PCDHGB2: variants seen among roughly 807,000 people sequenced by gnomAD.
PCDHGB2 encodes the protein protocadherin gamma-B2.
Under a neutral mutation model 59.3 loss-of-function variants are expected in PCDHGB2, and 55 were observed. The observed-to-expected ratio is 0.93, with a 90% confidence interval of 0.75 to 1.16. The LOEUF (loss-of-function observed/expected upper bound fraction) is 1.16. PCDHGB2 is among the 50% of genes most tolerant of loss of function. The probability of loss-of-function intolerance (pLI) is 0.00; values close to 1 mark genes in which losing one functional copy is unlikely to be tolerated. For missense variants in PCDHGB2, 1,228 were observed against 1,198.5 expected (o/e 1.02, Z -0.36); for synonymous variants, 516 against 512.0 (o/e 1.01, Z -0.11).
intron 2 of PCDHGB2, among the ~76,000 whole-genome samples, chr5:141,504,078 CCAAA>C (rs1272625151): frequency 6.6e-6 from 1 of 152,078 alleles, no homozygotes; most frequent in South Asian, 2.1e-4. Context: ...CCAGATGGTG[CCAAA>C]CAGTTACCTA....
rs749822569 is a variant in PCDHGB2, at chr5:141,371,950, C to G, written c.2421+9394C>G. On this transcript the variant is annotated intron_variant, in intron 1 of 3. Coordinates refer to ENST00000522605, the MANE Select transcript of PCDHGB2 (RefSeq NM_018923.3). Reference sequence around the variant, plus strand: ...AGCGGGGTGGTGTTCGCGCAGCGAGCCTTCGACCACGAGCAGCTGCGTGCC... The same window carrying G: ...AGCGGGGTGGTGTTCGCGCAGCGAGGCTTCGACCACGAGCAGCTGCGTGCC... 3.1e-6 allele frequency: 5 copies of G among 1,613,168 alleles called. No homozygotes were observed. The highest frequency in any genetic ancestry group is 4.2e-6 in the Non-Finnish European group (5 of 1,179,884).
At chr5:141,383,621 T>A in intron 1 of PCDHGB2, 1 of 1,613,880 alleles carries the variant, frequency 6.2e-7, no homozygotes, top group East Asian at 2.2e-5. Flanking sequence ...CACACGCCTG[T>A]CTTCTCTCTG....
chr5:141,484,002 A>T, intron 1 of PCDHGB2, among the ~76,000 whole-genome samples: 1 of 25,484 alleles, frequency 3.9e-5, no homozygotes, highest in African/African-American at 1.7e-4. Context: ...GGAGGTCTGG[A>T]TGAGGGTGGG....
intron 1 of PCDHGB2, chr5:141,375,945 T>C (rs770100512): frequency 1.2e-6 from 2 of 1,613,448 alleles, no homozygotes; most frequent in Non-Finnish European, 8.5e-7. Context: ...TCAGTGGGCC[T>C]GCACACGGGC....
chr5:141,371,161 C>T, intron 1 of PCDHGB2: 1 of 1,614,006 alleles, frequency 6.2e-7, no homozygotes, highest in South Asian at 1.1e-5. Context: ...GAGAACCTGC[C>T]CGCTGGCTCC....
chr5:141,423,552 C>A, intron 1 of PCDHGB2: 2 of 1,613,720 alleles, frequency 1.2e-6, no homozygotes, highest in Non-Finnish European at 1.7e-6. Context: ...CCCAGCCCAA[C>A]TATGGGGACA....
At chr5:141,461,966 G>A (rs2099027516) in intron 1 of PCDHGB2, among the ~76,000 whole-genome samples, 1 of 152,162 alleles carries the variant, frequency 6.6e-6, no homozygotes, top group African/African-American at 2.4e-5. Context: ...TGGGATTCCA[G>A]GCATATGCCA....
intron 1 of PCDHGB2, chr5:141,427,255 G>C (rs1369151995): frequency 2.2e-6 from 1 of 456,746 alleles, no homozygotes; most frequent in Non-Finnish European, 4.4e-6. Flanking sequence ...GATGGTGGAG[G>C]CATGACCAGC....
chr5:141,469,802 C>T (rs2099211446), intron 1 of PCDHGB2, among the ~76,000 whole-genome samples: 1 of 152,022 alleles, frequency 6.6e-6, no homozygotes, highest in Admixed American at 6.6e-5. Flanking sequence ...ATTGCAAAAA[C>T]ATTGTAGATA....
chr5:141,431,839 T>A lies in PCDHGB2; in HGVS notation c.2422-62968T>A. The A allele has an allele frequency of 1.2e-6, 2 of 1,614,198 alleles. No individual in the cohort carries two copies. The highest frequency in any genetic ancestry group is 1.7e-6 in the Non-Finnish European group (2 of 1,180,028). The stretch of plus-strand genomic sequence containing the variant: ...TCGCCAGCTCGGTTCCCGAAAACTC[T>A]CCCAGAGGGACATTAATTGCCCTTT... On this transcript the variant is annotated intron_variant, in intron 1 of 3. Coordinates refer to ENST00000522605, the MANE Select transcript of PCDHGB2 (RefSeq NM_018923.3). This position sits in a 1 kb window ranked among gnomAD's most constrained non-coding sequence, Gnocchi z 4.8.
At chr5:141,404,771 C>A in intron 1 of PCDHGB2, 2 of 1,613,870 alleles carry the variant, frequency 1.2e-6, no homozygotes, top group African/African-American at 1.3e-5. Context: ...GCTCTCCTAC[C>A]GCCTATTCAA....
At chr5:141,481,638 T>G (rs1465682432) in intron 1 of PCDHGB2, among the ~76,000 whole-genome samples, 1 of 152,014 alleles carries the variant, frequency 6.6e-6, no homozygotes, top group Admixed American at 6.6e-5. Context: ...GCCAACATGG[T>G]GAAACTTCAT....
chr5:141,365,007 C>T (rs776739278), intron 1 of PCDHGB2: 2 of 1,613,804 alleles, frequency 1.2e-6, no homozygotes, highest in African/African-American at 1.3e-5. Context: ...TCCGGCACCA[C>T]GCACATCCGT....
chr5:141,471,790 C>T (rs1465283136), intron 1 of PCDHGB2, among the ~76,000 whole-genome samples: 1 of 152,068 alleles, frequency 6.6e-6, no homozygotes, highest in Non-Finnish European at 1.5e-5. Context: ...TATGCTATGT[C>T]ATATAAAAGA....
At chr5:141,399,798 G>A in intron 1 of PCDHGB2, 1 of 1,613,236 alleles carries the variant, frequency 6.2e-7, no homozygotes. Context: ...ACGCACCGCG[G>A]GTGCTGTACC....
intron 1 of PCDHGB2, chr5:141,419,910 C>A (rs539905795): frequency 1.9e-6 from 3 of 1,613,968 alleles, no homozygotes; most frequent in Non-Finnish European, 2.5e-6. Flanking sequence ...CCCTCTGACT[C>A]CCAGGCTGAG....
intron 1 of PCDHGB2, chr5:141,399,111 A>G (rs1561667842): frequency 1.9e-6 from 3 of 1,613,732 alleles, no homozygotes; most frequent in East Asian, 2.2e-5. Context: ...CACAATGTAC[A>G]GTTGAAATTA....
intron 1 of PCDHGB2, chr5:141,389,625 G>C: frequency 6.2e-7 from 1 of 1,613,020 alleles, no homozygotes; most frequent in Non-Finnish European, 8.5e-7. Flanking sequence ...GCACGCTGCA[G>C]AGCCTGGCTA....
At chr5:141,504,961 G>A (rs995382728) in intron 2 of PCDHGB2, among the ~76,000 whole-genome samples, 2 of 151,928 alleles carry the variant, frequency 1.3e-5, no homozygotes, top group Non-Finnish European at 2.9e-5. Flanking sequence ...TCAATGCATT[G>A]GACCAGCCTG....
Sources: allele counts gnomAD v4.1 joint callset (sites outside exome capture counted in the v4.1 genomes callset), GRCh38; gene constraint gnomAD v4.1.1; non-coding constraint Gnocchi (gnomAD v3.1); transcripts MANE v1.5; gene names NCBI Gene and HGNC (gene_info 2026-07-23, HGNC 2026-07-21).